DPF2: variants seen among roughly 807,000 people sequenced by gnomAD.
DPF2 encodes the protein zinc finger protein ubi-d4.
Under a neutral mutation model 59.6 loss-of-function variants are expected in DPF2, and 10 were observed. The ratio of observed to expected loss-of-function variants is 0.17; its 90% CI spans 0.10 to 0.28. The LOEUF is 0.28. Ranked by LOEUF, DPF2 falls within the 10% of genes least tolerant of loss-of-function variation. DPF2 has a pLI of 1.00. For missense variants in DPF2, 315 were observed against 509.4 expected, an observed-to-expected ratio of 0.62 and a Z score of 3.67; for synonymous variants, 189 against 190.6, an observed-to-expected ratio of 0.99 and a Z score of 0.07.
At chr11:65,338,270 C>T (rs1042254939) in intron 1 of DPF2, among the ~76,000 whole-genome samples, 1 of 152,194 alleles carries the variant, frequency 6.6e-6, no homozygotes, top group Non-Finnish European at 1.5e-5. Flanking sequence ...TAAGAGCTCA[C>T]TGTCATGCTG....
At chr11:65,339,576 G>A (rs533570534) in intron 1 of DPF2, among the ~76,000 whole-genome samples, 2 of 152,230 alleles carry the variant, frequency 1.3e-5, no homozygotes, top group South Asian at 2.1e-4. Flanking sequence ...AGGAACTTCA[G>A]GTACTTGTAG....
Position 65,352,249 on chromosome 11 carries a change from C to G in DPF2, c.*490C>G, listed in dbSNP as rs1844022545. ...GCCCCTGTGCCGCATAGCCTCACCTCTTTCCTCCAGAGTGGCTCTCTGCGG... is the reference window on the plus strand; with the variant it reads ...GCCCCTGTGCCGCATAGCCTCACCTGTTTCCTCCAGAGTGGCTCTCTGCGG... On this transcript the variant is annotated 3_prime_UTR_variant, in exon 11 of 11. Coordinates refer to ENST00000528416, the MANE Select transcript of DPF2 (RefSeq NM_006268.5). 1 of 166,126 alleles carries G rather than the reference C, an allele frequency of 6.0e-6. No individual in the cohort carries two copies. The highest frequency in any genetic ancestry group is 1.5e-4 in the South Asian group (1 of 6,598). The allele number at this position is 166,126 out of a possible 1,614,324, so 10.3% of individuals were successfully genotyped here. A position where few individuals can be genotyped will look rare whatever the true frequency, so the allele number is the denominator to read the frequency against.
intron 1 of DPF2, among the ~76,000 whole-genome samples, chr11:65,334,302 C>A (rs1950067268): frequency 6.6e-6 from 1 of 152,050 alleles, no homozygotes; most frequent in South Asian, 2.1e-4. Flanking sequence ...GCTGGCCCGC[C>A]GCCCACCCCG....
chr11:65,349,203 T>G (rs747810698), intron 10 of DPF2, among the ~76,000 whole-genome samples: 5 of 152,194 alleles, frequency 3.3e-5, no homozygotes, highest in Non-Finnish European at 7.3e-5. Flanking sequence ...AATGATTTAT[T>G]TTCTTCCAAC....
At chr11:65,341,210 C>A in intron 3 of DPF2, 137 bp downstream of exon 3, 1 of 1,257,216 alleles carries the variant, frequency 8.0e-7, no homozygotes, top group Non-Finnish European at 1.1e-6. Context: ...CTTTAAGGAC[C>A]TCAGTCTAGA....
rs1262514702 is a variant in DPF2 at position 65,353,681 on chromosome 11, G to T, written c.*1922G>T. Among the ~76,000 whole-genome samples the T allele has an allele frequency of 6.6e-6, 1 of 152,228 alleles. No homozygotes were observed. Among genetic ancestry groups the T allele is most frequent in the African/African-American group, 2.4e-5 (1 of 41,454 alleles). ...TTTTATGTTTTTAAAGGAAAGATTT[G>T]AATCAAGCAGTTATGGGCCCCCTGA... On this transcript the variant is annotated 3_prime_UTR_variant, in exon 11 of 11. Transcript: ENST00000528416.
At position 65,342,993 on chromosome 11, in the gene DPF2, CA is replaced by C. The variant is rs755354439; in HGVS notation, c.466-736del. Among the ~76,000 whole-genome samples, 197 of 94,210 alleles carry C rather than the reference CA, an allele frequency of 2.1e-3. No homozygotes were observed. In the Middle Eastern group the frequency reaches 0.039, roughly 19 times the overall value. The allele number at this position is 94,210 out of a possible 152,430, so 61.8% of individuals were successfully genotyped here. A position where few individuals can be genotyped will look rare whatever the true frequency, so the allele number is the denominator to read the frequency against. ...TAGGTGACAGAACGAGACTCCATCT[CA>C]AAAAAAAAAAAAAAACTTCCCATGG... is the stretch of plus-strand genomic sequence containing the variant. On this transcript the variant is annotated intron_variant, in intron 4 of 10. Coordinates refer to ENST00000528416, the MANE Select transcript of DPF2 (RefSeq NM_006268.5).
At chr11:65,344,352 A>G in intron 6 of DPF2, 1 of 611,078 alleles carries the variant, frequency 1.6e-6, no homozygotes, top group Non-Finnish European at 2.9e-6. Flanking sequence ...GATGGCCTGC[A>G]GGTCTCCTGG....
chr11:65,340,225 T>C (rs1252483305), intron 1 of DPF2, among the ~76,000 whole-genome samples, 160 bp from the exon 2 acceptor site: 1 of 152,194 alleles, frequency 6.6e-6, no homozygotes, highest in Admixed American at 6.5e-5. Flanking sequence ...GAAAAGGGGC[T>C]TCGTGTCCCA....
intron 2 of DPF2, among the ~76,000 whole-genome samples, 169 bp downstream of exon 2, chr11:65,340,714 T>C (rs1414658457): frequency 3.9e-5 from 6 of 152,194 alleles, no homozygotes; most frequent in African/African-American, 1.2e-4. Flanking sequence ...AGATGTTTGA[T>C]ACCAGCATCT....
Position 65,344,004 on chromosome 11 carries a change from G to C in DPF2, c.572G>C (p.Gly191Ala). ...GKGKSKGKGV[G>A]SARKKLDASI... Reference sequence around the variant, plus strand: ...TCTTCTTGGCAGGGTAAGGGTGTGGGCAGTGCCCGTAAGAAGCTGGATGCT... The same window carrying C: ...TCTTCTTGGCAGGGTAAGGGTGTGGCCAGTGCCCGTAAGAAGCTGGATGCT... The change falls in exon 6 of 11, where the codon GGC becomes GCC. Residue 191 changes from glycine to alanine, a missense_variant. Physicochemically the swap from Gly to Ala is moderately conservative, Grantham distance 60. This residue lies in a region of DPF2 where 228 missense variants were observed against 275.3 expected (regional missense o/e 0.83). Coordinates refer to ENST00000528416, the MANE Select transcript of DPF2 (RefSeq NM_006268.5). The C allele has an allele frequency of 1.2e-6, 2 of 1,614,226 alleles. No individual in the cohort carries two copies. Among genetic ancestry groups the C allele is most frequent in the South Asian group, 2.2e-5 (2 of 91,088 alleles).
intron 2 of DPF2, 135 bp downstream of exon 2, chr11:65,340,680 T>TTC: frequency 7.7e-7 from 1 of 1,295,034 alleles, no homozygotes. Context: ...CTTCCTGTGA[T>TTC]TAGAAACCCA....
At chr11:65,342,100 CAAAAA>C (rs956738802) in intron 4 of DPF2, 1 of 138,388 alleles carries the variant, frequency 7.2e-6, no homozygotes, top group Admixed American at 7.2e-5. Flanking sequence ...GCCTGGGCAA[CAAAAA>C]AAAAAAATTA....
At chr11:65,341,105 G>A in intron 3 of DPF2, 32 bp downstream of exon 3, 1 of 1,596,172 alleles carries the variant, frequency 6.3e-7, no homozygotes, top group Non-Finnish European at 8.6e-7. Context: ...CAGAGGCGTG[G>A]CCTGCTGCAT....
intron 6 of DPF2, chr11:65,345,000 G>A: frequency 3.8e-6 from 1 of 263,726 alleles, no homozygotes. Context: ...TTTCCTGCTG[G>A]CCCCCTTGCC....
intron 3 of DPF2, 130 bp from the exon 4 acceptor site, chr11:65,341,269 G>A: frequency 1.6e-5 from 22 of 1,382,576 alleles, no homozygotes; most frequent in Non-Finnish European, 2.1e-5. Flanking sequence ...GAACTAGGGT[G>A]TCTTAATTCC....
intron 6 of DPF2, chr11:65,344,717 T>A: frequency 7.3e-7 from 1 of 1,362,362 alleles, no homozygotes; most frequent in Non-Finnish European, 1.0e-6. Flanking sequence ...GATGCTAGCT[T>A]TAAAATCTCT....
In DPF2 at chr11:65,351,571, C is replaced by T. The variant is rs1175722303; in HGVS notation, c.1100-112C>T. 8 of 883,084 alleles carry T rather than the reference C, an allele frequency of 9.1e-6. No homozygotes were observed. In the Admixed American group the frequency reaches 9.7e-5, roughly 11 times the overall value. 54.7% of individuals were successfully genotyped at this position (883,084 alleles called of 1,614,324 possible). ...AACTTTCCTGCTGCAGAGCATCCCT[C>T]GTCCTACCTGTAGCTGATCCTGCTA... On this transcript the variant is annotated intron_variant, in intron 10 of 10. Coordinates refer to ENST00000528416, the MANE Select transcript of DPF2 (RefSeq NM_006268.5).
At chr11:65,341,278 C>T in intron 3 of DPF2, 121 bp from the exon 4 acceptor site, 2 of 1,435,742 alleles carry the variant, frequency 1.4e-6, no homozygotes. Flanking sequence ...TGTCTTAATT[C>T]CTGGGCGTGC....
Sources: allele counts gnomAD v4.1 joint callset (sites outside exome capture counted in the v4.1 genomes callset), GRCh38; gene constraint gnomAD v4.1.1; regional missense constraint gnomAD v4.1.1; transcripts MANE v1.5; gene names NCBI Gene and HGNC (gene_info 2026-07-23, HGNC 2026-07-21).